The following PLA2G2E variants were observed in gnomAD, a reference collection of about 807,000 sequenced individuals.
PLA2G2E encodes the protein phospholipase A2 group IIE.
In PLA2G2E, 14 loss-of-function variants were observed where a neutral mutation model predicts 16.5. The observed-to-expected ratio is 0.85, with a 90% confidence interval of 0.56 to 1.33. The LOEUF (loss-of-function observed/expected upper bound fraction) is 1.33, where lower values mean the gene tolerates loss of function less well. Among genes scored for constraint, PLA2G2E ranks in the 40% most tolerant of loss-of-function variants. The probability of loss-of-function intolerance (pLI) is 0.00; values close to 1 mark genes in which losing one functional copy is unlikely to be tolerated. For synonymous variants in PLA2G2E, 72 were observed against 77.2 expected, an observed-to-expected ratio of 0.93 and a Z score of 0.36; for missense variants, 174 against 190.7, an observed-to-expected ratio of 0.91 and a Z score of 0.52.
At chr1:19,923,113 G>A (rs3767219) in intron 1 of PLA2G2E, among the ~76,000 whole-genome samples, 17,197 of 152,102 alleles carry the variant, frequency 0.11, 1,048 homozygotes, top group African/African-American at 0.15. Flanking sequence ...TGTCCCCCCA[G>A]GTCTCATCAG....
intron 1 of PLA2G2E, among the ~76,000 whole-genome samples, chr1:19,923,097 AC>A (rs1232898250): frequency 6.6e-6 from 1 of 151,948 alleles, no homozygotes; most frequent in Non-Finnish European, 1.5e-5. Flanking sequence ...TCACCCAGGA[AC>A]ACTCTGTCCC....
intron 1 of PLA2G2E, 131 bp from the exon 2 acceptor site, chr1:19,922,886 C>T (rs575345008): frequency 1.1e-6 from 1 of 930,164 alleles, no homozygotes; most frequent in African/African-American, 1.7e-5. Context: ...CCAAAGCAAC[C>T]CACTCTCAAC....
intron 1 of PLA2G2E, 40 bp from the exon 2 acceptor site, chr1:19,922,795 C>T: frequency 3.2e-6 from 5 of 1,540,910 alleles, no homozygotes; most frequent in Non-Finnish European, 4.5e-6. Context: ...GAGGGCCCCA[C>T]CCTCTGCAGC....
Position 19,920,409 on chromosome 1 carries a change from G to A in PLA2G2E, c.327C>T (p.Asp109=), listed in dbSNP as rs1179992254. ...GGCGAAAGCAGAGGGCAGCCCTCTT[G>A]TCACACTCGCAGGTCAGCCGCTGGC... The part of the protein sequence containing the change: ...TTCQRLTCEC[D]KRAALCFRRN... The change falls in exon 4 of 4, where the codon GAC becomes GAT. Residue 109 remains aspartate, a synonymous_variant. Transcript: ENST00000375116. This position sits in a 1 kb window ranked among gnomAD's most constrained non-coding sequence, Gnocchi z 4.3. The A allele has an allele frequency of 6.2e-7, 1 of 1,613,918 alleles. No homozygotes were observed. The highest frequency in any genetic ancestry group is 2.2e-5 in the East Asian group (1 of 44,880).
At chr1:19,922,967 C>T (rs754229211) in intron 1 of PLA2G2E, among the ~76,000 whole-genome samples, 3 of 152,134 alleles carry the variant, frequency 2.0e-5, no homozygotes, top group Admixed American at 6.5e-5. Flanking sequence ...GTCCTCTCCT[C>T]CAGTGTGTCA....
Position 19,920,147 on chromosome 1 carries a change from G to T in PLA2G2E, c.*160C>A, listed in dbSNP as rs2045802960. The T allele has an allele frequency of 6.3e-6, 4 of 639,050 alleles. No homozygotes were observed. The highest frequency in any genetic ancestry group is 1.1e-5 in the Non-Finnish European group (4 of 376,176). 39.6% of individuals were successfully genotyped at this position (639,050 alleles called of 1,614,324 possible). ...AGAGAAGGGGTAGCCTGGGAGGCTA[G>T]TGATGGTCCAGGACATATCTCTGAG... is the stretch of plus-strand genomic sequence containing the variant. On this transcript the variant is annotated 3_prime_UTR_variant, in exon 4 of 4. Coordinates refer to ENST00000375116, the MANE Select transcript of PLA2G2E (RefSeq NM_014589.3). The surrounding 1 kb of genome is among the most constrained non-coding windows in gnomAD (Gnocchi z 4.3).
chr1:19,920,421 G>A lies in PLA2G2E; in HGVS notation c.315C>T (p.Thr105=). ...CAGRTTCQRL[T]CECDKRAALC... ...GGGCAGCCCTCTTGTCACACTCGCAGGTCAGCCGCTGGCAGGTGGTCCTGC... is the reference window on the plus strand; with the variant it reads ...GGGCAGCCCTCTTGTCACACTCGCAAGTCAGCCGCTGGCAGGTGGTCCTGC... The change falls in exon 4 of 4, where the codon ACC becomes ACT. Residue 105 remains threonine, a synonymous_variant. Transcript: ENST00000375116. This position sits in a 1 kb window ranked among gnomAD's most constrained non-coding sequence, Gnocchi z 4.3. The A allele has an allele frequency of 6.2e-7, 1 of 1,613,882 alleles. No homozygotes were observed. Among genetic ancestry groups the A allele is most frequent in the South Asian group, 1.1e-5 (1 of 91,072 alleles).
In PLA2G2E at chr1:19,922,386, G is replaced by A. The variant is rs770331034; in HGVS notation, c.198C>T (p.Asp66=). 70 of 1,613,846 alleles carry A rather than the reference G, an allele frequency of 4.3e-5. No individual in the cohort carries two copies. The highest frequency in any genetic ancestry group is 5.7e-5 in the Non-Finnish European group (67 of 1,179,864). Residue 66 remains aspartate, a synonymous_variant, in exon 3 of 4, where the codon GAC becomes GAT. Coordinates refer to ENST00000375116, the MANE Select transcript of PLA2G2E (RefSeq NM_014589.3). ...GCTTCTCCAGACGCCCGTAGCAGCA[G>A]TCGTGGGCGTGGCAGCACCTGTAAG... ...DQTDWCCHAH[D]CCYGRLEKLG...
In PLA2G2E at chr1:19,920,169, T is replaced by C. The variant is rs2045803034; in HGVS notation, c.*138A>G. ...CTAGTGATGGTCCAGGACATATCTC[T>C]GAGCTCTCAAGGAGGGATGAGTTTG... On this transcript the variant is annotated 3_prime_UTR_variant, in exon 4 of 4. Transcript: ENST00000375116. This position sits in a 1 kb window ranked among gnomAD's most constrained non-coding sequence, Gnocchi z 4.3. 1 of 714,176 alleles carries C rather than the reference T, an allele frequency of 1.4e-6. No individual in the cohort carries two copies. The highest frequency in any genetic ancestry group is 1.8e-5 in the South Asian group (1 of 54,858). 44.2% of individuals were successfully genotyped at this position (714,176 alleles called of 1,614,324 possible). A position where few individuals can be genotyped will look rare whatever the true frequency, so the allele number is the denominator to read the frequency against.
In PLA2G2E at chr1:19,922,775, G is replaced by A; in HGVS notation, c.41-20C>T. 6.2e-7 allele frequency: 1 copy of A among 1,612,640 alleles called. No individual in the cohort carries two copies. Among genetic ancestry groups the A allele is most frequent in the African/African-American group, 1.3e-5 (1 of 74,938 alleles). On this transcript the variant is annotated intron_variant, in intron 1 of 3. Transcript: ENST00000375116. ...GAGCCACTGCAGAGAGGGAGAGGGA[G>A]AGGGAGAGGGAGGGCCCCACCCTCT...
chr1:19,923,335 C>T (rs1283759484), intron 1 of PLA2G2E, among the ~76,000 whole-genome samples, 185 bp downstream of exon 1: 3 of 152,260 alleles, frequency 2.0e-5, no homozygotes, highest in African/African-American at 7.2e-5. Context: ...GCATTCTCCT[C>T]CCCTCTGCTC....
At chr1:19,921,734 T>A (rs2045817994) in intron 3 of PLA2G2E, among the ~76,000 whole-genome samples, 1 of 152,178 alleles carries the variant, frequency 6.6e-6, no homozygotes, top group African/African-American at 2.4e-5. Flanking sequence ...CTTGGCTCTC[T>A]CATGTGGGGT....
intron 1 of PLA2G2E, among the ~76,000 whole-genome samples, chr1:19,923,284 A>C (rs3767218): frequency 0.15 from 22,478 of 152,228 alleles, 1,876 homozygotes; most frequent in African/African-American, 0.21. Context: ...CCATCCGGGA[A>C]GCGCCAGCCC....
At chr1:19,922,789 G>GCCCCA in intron 1 of PLA2G2E, 34 bp from the exon 2 acceptor site, 1 of 1,610,846 alleles carries the variant, frequency 6.2e-7, no homozygotes, top group Non-Finnish European at 8.5e-7. Context: ...GAGAGGGAGG[G>GCCCCA]CCCCACCCTC....
chr1:19,920,331 G>A lies in PLA2G2E; in HGVS notation c.405C>T (p.Cys135=). 1 of 1,612,986 alleles carries A rather than the reference G, an allele frequency of 6.2e-7. No individual in the cohort carries two copies. The highest frequency in any genetic ancestry group is 8.5e-7 in the Non-Finnish European group (1 of 1,179,734). The change falls in exon 4 of 4, where the codon TGC becomes TGT. Residue 135 remains cysteine (C), a synonymous_variant. Transcript: ENST00000375116. This position sits in a 1 kb window ranked among gnomAD's most constrained non-coding sequence, Gnocchi z 4.3. ...RKYAHYPNKL[C]TGPTPPC ...CTCAGCAGGGCGGGGTGGGCCCGGTGCACAGCTTGTTGGGATAATGGGCAT... is the reference window on the plus strand; with the variant it reads ...CTCAGCAGGGCGGGGTGGGCCCGGTACACAGCTTGTTGGGATAATGGGCAT...
intron 1 of PLA2G2E, among the ~76,000 whole-genome samples, chr1:19,923,203 T>C (rs369592558): frequency 3.3e-5 from 5 of 152,252 alleles, no homozygotes; most frequent in African/African-American, 7.2e-5. Context: ...GCCATGGGAC[T>C]GAATCCTGCC....
intron 3 of PLA2G2E, among the ~76,000 whole-genome samples, chr1:19,921,601 G>C (rs10916672): frequency 0.16 from 24,579 of 152,244 alleles, 2,066 homozygotes; most frequent in Admixed American, 0.18. Flanking sequence ...CTGCCCCGCC[G>C]CCAGGACAGA....
intron 1 of PLA2G2E, among the ~76,000 whole-genome samples, chr1:19,923,317 C>G (rs538597323): frequency 6.6e-6 from 1 of 152,374 alleles, no homozygotes; most frequent in East Asian, 1.9e-4. Flanking sequence ...CCTCACCCCT[C>G]CCAGCCTGCA....
At chr1:19,922,962 C>G (rs2045829469) in intron 1 of PLA2G2E, among the ~76,000 whole-genome samples, 1 of 152,118 alleles carries the variant, frequency 6.6e-6, no homozygotes, top group Admixed American at 6.5e-5. Flanking sequence ...CCCTAGTCCT[C>G]TCCTCCAGTG....
Sources: gnomAD v4.1 joint callset for allele counts (sites outside exome capture counted in the v4.1 genomes callset) on GRCh38, gnomAD v4.1.1 for gene constraint, Gnocchi (gnomAD v3.1) non-coding constraint, MANE v1.5 for transcripts, NCBI Gene and HGNC (gene_info 2026-07-23, HGNC 2026-07-21) for gene names.